MMUT: variants seen among roughly 807,000 people sequenced by gnomAD.
The protein encoded by MMUT is methylmalonyl-CoA mutase, also known as methylmalonyl-CoA mutase, mitochondrial.
Under a neutral mutation model 79.9 loss-of-function variants are expected in MMUT, and 79 were observed. That is an observed-to-expected ratio of 0.99 (90% CI 0.82 to 1.19). The LOEUF is 1.19. Ranked by LOEUF, MMUT falls within the 50% of genes most tolerant of loss-of-function variation. The pLI is 0.00. For missense variants in MMUT, 860 were observed against 917.2 expected, an observed-to-expected ratio of 0.94 and a Z score of 0.81; for synonymous variants, 273 against 295.7, an observed-to-expected ratio of 0.92 and a Z score of 0.79.
chr6:49,433,349 A>T (rs925182872), intron 12 of MMUT, among the ~76,000 whole-genome samples: 1 of 152,204 alleles, frequency 6.6e-6, no homozygotes, highest in South Asian at 2.1e-4. Context: ...AGATGTTGCA[A>T]CTGAAAAAAG....
At chr6:49,452,604 AT>A (rs1380606224) in intron 5 of MMUT, among the ~76,000 whole-genome samples, 1 of 152,084 alleles carries the variant, frequency 6.6e-6, no homozygotes, top group Non-Finnish European at 1.5e-5. Context: ...AAGTGCTGGG[AT>A]TTACAGGCGT....
At position 49,459,264 on chromosome 6, in the gene MMUT, G is replaced by A; in HGVS notation, c.203C>T (p.Ser68Phe). ...DLIWHTPEGI[S>F]IKPLYSKRDT... ...TCTCTTGGAATACAAGGGTTTTATA[G>A]AGATCCCTTCCGGGGTGTGCCATAT... The change falls in exon 2 of 13, where the codon TCT (serine) becomes TTT (phenylalanine). Residue 68 changes from serine to phenylalanine, a missense_variant. Physicochemically the swap from Ser to Phe is radical, Grantham distance 155. Transcript: ENST00000274813. The A allele has an allele frequency of 6.2e-7, 1 of 1,614,182 alleles. No individual in the cohort carries two copies. Among genetic ancestry groups the A allele is most frequent in the Non-Finnish European group, 8.5e-7 (1 of 1,180,028 alleles).
chr6:49,453,627 T>C lies in MMUT; in HGVS notation c.1041A>G (p.Leu347=), dbSNP rs1454849970. 3.8e-5 allele frequency: 61 copies of C among 1,613,000 alleles called. No homozygotes were observed. The highest frequency in any genetic ancestry group is 4.8e-5 in the Non-Finnish European group (57 of 1,179,328). Residue 347 remains leucine (L), a synonymous_variant, in exon 5 of 13, where the codon CTA becomes CTG. Coordinates refer to ENST00000274813, the MANE Select transcript of MMUT (RefSeq NM_000255.4). ...ATCCAGATGTCTGACAGTGTGCTCTTAGAAGAAGAGATTTTGAGTTTTTAG... is the reference window on the plus strand; with the variant it reads ...ATCCAGATGTCTGACAGTGTGCTCTCAGAAGAAGAGATTTTGAGTTTTTAG... ...FQPKNSKSLL[L]RAHCQTSGWS... is the part of the protein sequence containing the mutation.
At chr6:49,447,543 T>C in intron 8 of MMUT, 127 bp downstream of exon 8, 1 of 642,110 alleles carries the variant, frequency 1.6e-6, no homozygotes, top group Non-Finnish European at 2.8e-6. Context: ...ACATTTGAAA[T>C]GATGGAAATT....
chr6:49,455,737 A>T (rs1056934638), intron 4 of MMUT, among the ~76,000 whole-genome samples: 3 of 152,236 alleles, frequency 2.0e-5, no homozygotes, highest in African/African-American at 7.2e-5. Context: ...ACAGAAAAAA[A>T]AATAATAATA....
At chr6:49,431,946 A>G in intron 12 of MMUT, 90 bp from the exon 13 acceptor site, 2 of 1,456,248 alleles carry the variant, frequency 1.4e-6, no homozygotes, top group Non-Finnish European at 1.9e-6. Context: ...TCACTCAATT[A>G]CCCAAAACCT....
chr6:49,442,006 T>TC (rs753705804), intron 9 of MMUT, 35 bp from the exon 10 acceptor site: 1 of 1,578,720 alleles, frequency 6.3e-7, no homozygotes, highest in East Asian at 2.3e-5. Context: ...TTAACTTCAT[T>TC]ATTTTGTGAT....
chr6:49,448,670 A>T (rs956232408), intron 7 of MMUT, 146 bp downstream of exon 7: 2 of 669,906 alleles, frequency 3.0e-6, no homozygotes, highest in Non-Finnish European at 5.4e-6. Context: ...ATACATATAT[A>T]GATAGATACA....
intron 3 of MMUT, 71 bp from the exon 4 acceptor site, chr6:49,456,308 A>C: frequency 9.7e-7 from 1 of 1,033,046 alleles, no homozygotes; most frequent in Non-Finnish European, 1.5e-6. Flanking sequence ...TCCACTTTCT[A>C]AGCATAAACA....
chr6:49,451,670 T>C lies in MMUT; in HGVS notation c.1128A>G (p.Ala376=). ...AAGACTGAGTCCCTCCAAATACTGC[T>C]GCCATTGCTTCTATTGCAGTACGGA... ...NIVRTAIEAM[A]AVFGGTQSLH... The change falls in exon 6 of 13, where the codon GCA becomes GCG. Residue 376 remains alanine, a synonymous_variant. Transcript: ENST00000274813. The C allele has an allele frequency of 6.2e-7, 1 of 1,614,028 alleles. No individual in the cohort carries two copies. The highest frequency in any genetic ancestry group is 8.5e-7 in the Non-Finnish European group (1 of 1,179,910).
At chr6:49,442,744 CTG>C (rs1004433476) in intron 9 of MMUT, among the ~76,000 whole-genome samples, 2 of 151,950 alleles carry the variant, frequency 1.3e-5, no homozygotes, top group Admixed American at 6.6e-5. Context: ...AGCAAAGGCT[CTG>C]AGATGTAGGA....
intron 6 of MMUT, among the ~76,000 whole-genome samples, chr6:49,450,368 G>T (rs1223604027): frequency 6.6e-6 from 1 of 150,504 alleles, no homozygotes; most frequent in African/African-American, 2.4e-5. Flanking sequence ...AATAATACAA[G>T]AAAATTTCCT....
chr6:49,455,528 A>G (rs1767663594), intron 4 of MMUT, among the ~76,000 whole-genome samples: 1 of 152,230 alleles, frequency 6.6e-6, no homozygotes, highest in Non-Finnish European at 1.5e-5. Flanking sequence ...CATATAGGCT[A>G]GTGTTTGGCA....
At chr6:49,453,025 T>C (rs1767591800) in intron 5 of MMUT, among the ~76,000 whole-genome samples, 2 of 146,166 alleles carry the variant, frequency 1.4e-5, no homozygotes, top group Admixed American at 1.5e-4. Flanking sequence ...AAATTCTGTT[T>C]TCTTTCTTTC....
Position 49,456,225 on chromosome 6 carries a change from AT to A in MMUT, c.765del (p.Lys255AsnfsTer27). ...IFEYTAKHMP[K>X]FNSISISGYH... is the part of the protein sequence containing the mutation. ...TATCCACTAATTGAAATTGAATTAA[AT>A]TTTGGCATGTGCTACATAAAAAAAA... On this transcript the variant is annotated frameshift_variant, in exon 4 of 13. Coordinates refer to ENST00000274813, the MANE Select transcript of MMUT (RefSeq NM_000255.4). LOFTEE classifies it high-confidence loss of function. 6.2e-7 allele frequency: 1 copy of A among 1,610,540 alleles called. No individual in the cohort carries two copies.
chr6:49,453,538 A>G, intron 5 of MMUT, 47 bp downstream of exon 5: 2 of 1,069,310 alleles, frequency 1.9e-6, no homozygotes, highest in Non-Finnish European at 2.6e-6. Flanking sequence ...GAAAAAATAT[A>G]TATATATAAC....
chr6:49,455,688 C>A (rs1255168220), intron 4 of MMUT, among the ~76,000 whole-genome samples: 1 of 151,934 alleles, frequency 6.6e-6, no homozygotes, highest in African/African-American at 2.4e-5. Flanking sequence ...AATGTTTCAA[C>A]AGCACAGTGG....
Position 49,440,529 on chromosome 6 carries a change from G to A in MMUT, c.1809-176C>T, listed in dbSNP as rs78100773. ...TTTTATTTTACATTCAGGGGTTAAT[G>A]TGCAGGCTTGTTACATAGTTAAACA... On this transcript the variant is annotated intron_variant, in intron 10 of 12. Coordinates refer to ENST00000274813, the MANE Select transcript of MMUT (RefSeq NM_000255.4). Among the ~76,000 whole-genome samples the A allele has an allele frequency of 0.015, 2,208 of 151,714 alleles. 68 individuals are homozygous for A. Among genetic ancestry groups the A allele is most frequent in the African/African-American group, 0.051 (2,098 of 41,356 alleles).
At chr6:49,459,881 T>C (rs893967525) in intron 1 of MMUT, among the ~76,000 whole-genome samples, 2 of 152,144 alleles carry the variant, frequency 1.3e-5, no homozygotes, top group Non-Finnish European at 2.9e-5. Flanking sequence ...TCCTAATTAA[T>C]TTTTTCATTC....
Sources: allele counts gnomAD v4.1 joint callset (sites outside exome capture counted in the v4.1 genomes callset), GRCh38; gene constraint gnomAD v4.1.1; transcripts MANE v1.5; gene names NCBI Gene and HGNC (gene_info 2026-07-23, HGNC 2026-07-21).